Variants in HECW1 observed in about 807,000 individuals in gnomAD.
HECW1 encodes the protein HECT, C2 and WW domain containing E3 ubiquitin protein ligase 1.
A neutral mutation model predicts 182.3 loss-of-function variants in HECW1; 61 were observed. The observed-to-expected ratio is 0.33, with a 90% CI of 0.27 to 0.41. The LOEUF is 0.41. Among genes scored for constraint, HECW1 ranks in the 10% least tolerant of loss-of-function variants. The pLI, the probability that HECW1 is intolerant of heterozygous loss-of-function variation, is 1.00. For synonymous variants in HECW1, 859 were observed against 832.6 expected, an observed-to-expected ratio of 1.03 and a Z score of -0.55; for missense variants, 1,739 against 2,108.9, an observed-to-expected ratio of 0.82 and a Z score of 3.44.
rs529135221 is a variant in HECW1 at position 43,278,041 on chromosome 7, G to A, written c.28-33722G>A. On this transcript the variant is annotated intron_variant, in intron 3 of 29. Coordinates refer to ENST00000395891, the MANE Select transcript of HECW1 (RefSeq NM_015052.5). ...GCTATCCATACCCTTCCTGGTGGTC[G>A]CATCTACTCTTGTGACTTGAAATAA... is the stretch of plus-strand genomic sequence containing the variant. Among the ~76,000 whole-genome samples, 8 of 152,070 alleles carry A rather than the reference G, an allele frequency of 5.3e-5. No homozygotes were observed. The South Asian group carries it at 8.3e-4, about 16-fold the overall frequency.
At chr7:43,336,124 T>C (rs867479596) in intron 5 of HECW1, among the ~76,000 whole-genome samples, 709 of 64,140 alleles carry the variant, frequency 0.011, 36 homozygotes, top group African/African-American at 0.045. Flanking sequence ...CTTTCTTTCT[T>C]TCTCTCTCTC....
In HECW1 at chr7:43,416,085, T is replaced by G. The variant is rs2075984565; in HGVS notation, c.801+8354T>G. ...CGTTGCTGGTGAAGAACTGCGTTCC[T>G]TTGGAGGAGGAGAGATGCTCTGCGT... On this transcript the variant is annotated intron_variant, in intron 8 of 29. Transcript: ENST00000395891. 3.9e-5 allele frequency among the ~76,000 whole-genome samples: 6 copies of G among 152,092 alleles called. No individual in the cohort carries two copies. The South Asian group carries it at 1.2e-3, about 32-fold the overall frequency.
intron 9 of HECW1, chr7:43,439,546 CAG>C (rs1207471827): frequency 2.0e-5 from 3 of 152,796 alleles, no homozygotes; most frequent in East Asian, 1.9e-4. Context: ...AGAACAAAAA[CAG>C]GGGCTGTGTG....
At chr7:43,516,462 C>T (rs745490590) in intron 24 of HECW1, among the ~76,000 whole-genome samples, 2 of 152,058 alleles carry the variant, frequency 1.3e-5, no homozygotes, top group Non-Finnish European at 2.9e-5. Context: ...AATTTGGAGC[C>T]TCTCACTCAT....
In HECW1 at chr7:43,445,183, G is replaced by A. The variant is rs756842700; in HGVS notation, c.2011G>A (p.Glu671Lys). 3 of 1,612,030 alleles carry A rather than the reference G, an allele frequency of 1.9e-6. No individual in the cohort carries two copies. The highest frequency in any genetic ancestry group is 2.2e-5 in the East Asian group (1 of 44,824). The change falls in exon 11 of 30, where the codon GAG (glutamate) becomes AAG (lysine). Residue 671 changes from glutamate to lysine, a missense_variant. Physicochemically the swap from Glu to Lys is moderately conservative, Grantham distance 56. Coordinates refer to ENST00000395891, the MANE Select transcript of HECW1 (RefSeq NM_015052.5). ...SPRQGGDHSC[E>K]GCDASCCSPS... ...CAGGCAAGGCGGGGACCACAGTTGCGAGGGCTGTGACGCGTCCTGCTGCAG... is the reference window on the plus strand; with the variant it reads ...CAGGCAAGGCGGGGACCACAGTTGCAAGGGCTGTGACGCGTCCTGCTGCAG...
chr7:43,428,988 A>T lies in HECW1; in HGVS notation c.802-9015A>T, dbSNP rs1223966803. 2.6e-5 allele frequency among the ~76,000 whole-genome samples: 4 copies of T among 151,290 alleles called. 1 individual carries two copies. The highest frequency in any genetic ancestry group is 9.7e-5 in the African/African-American group (4 of 41,286). Reference sequence around the variant, plus strand: ...TGTATATGTATGTATACAAATACGTACAGATATATAATATACAAATATATA... The same window carrying T: ...TGTATATGTATGTATACAAATACGTTCAGATATATAATATACAAATATATA... On this transcript the variant is annotated intron_variant, in intron 8 of 29. Transcript: ENST00000395891.
intron 17 of HECW1, among the ~76,000 whole-genome samples, chr7:43,488,359 GAA>G (rs2078738736): frequency 8.2e-6 from 1 of 122,226 alleles, no homozygotes. Flanking sequence ...AGGAAGGAAG[GAA>G]GGAAGGAAGG....
intron 26 of HECW1, among the ~76,000 whole-genome samples, chr7:43,549,972 C>T (rs543521986): frequency 1.7e-4 from 26 of 152,212 alleles, no homozygotes; most frequent in African/African-American, 5.8e-4. Flanking sequence ...AAAACAAAAA[C>T]TGTAGCCTTT....
chr7:43,194,762 C>T (rs1054755010), intron 2 of HECW1, among the ~76,000 whole-genome samples: 1 of 151,430 alleles, frequency 6.6e-6, no homozygotes, highest in African/African-American at 2.4e-5. Flanking sequence ...GGCACGATCT[C>T]GGCTCACTGC....
chr7:43,232,643 G>C lies in HECW1; in HGVS notation c.-31-11232G>C, dbSNP rs554159610. Among the ~76,000 whole-genome samples the C allele has an allele frequency of 1.6e-3, 251 of 152,288 alleles. 2 individuals are homozygous for C. The highest frequency in any genetic ancestry group is 5.7e-3 in the African/African-American group (236 of 41,574). ...TGTTCTTGCGGGAAAAGGGGCAGTA[G>C]CAAGAGGGATGGTGAAACTCATGAT... On this transcript the variant is annotated intron_variant, in intron 2 of 29. Transcript: ENST00000395891.
intron 24 of HECW1, among the ~76,000 whole-genome samples, chr7:43,537,421 T>C (rs2081216286): frequency 6.6e-6 from 1 of 152,230 alleles, no homozygotes; most frequent in African/African-American, 2.4e-5. Context: ...TCTTTCTGTC[T>C]CATACTTCCT....
rs1439778181 is a variant in HECW1 at position 43,196,239 on chromosome 7, T to C, written c.-31-47636T>C. On this transcript the variant is annotated intron_variant, in intron 2 of 29. Coordinates refer to ENST00000395891, the MANE Select transcript of HECW1 (RefSeq NM_015052.5). ...TCCTCTCCAATACTGTTAGGAGATA[T>C]GTGTTTGTTTCTTAATTTTGACACA... Among the ~76,000 whole-genome samples, 4 of 152,228 alleles carry C rather than the reference T, an allele frequency of 2.6e-5. No homozygotes were observed. The East Asian group carries it at 5.8e-4, about 22-fold the overall frequency.
chr7:43,327,677 C>T (rs1810968785), intron 5 of HECW1, among the ~76,000 whole-genome samples: 1 of 152,174 alleles, frequency 6.6e-6, no homozygotes. Context: ...GCTAGAGAGG[C>T]ATCCCCTGGG....
chr7:43,165,419 TGC>T (rs1791006144), intron 2 of HECW1, among the ~76,000 whole-genome samples: 1 of 151,302 alleles, frequency 6.6e-6, no homozygotes, highest in Admixed American at 6.6e-5. Flanking sequence ...TTTGTGTGTG[TGC>T]ACACAGGTAT....
intron 24 of HECW1, among the ~76,000 whole-genome samples, chr7:43,531,004 C>A (rs2080960236): frequency 2.0e-5 from 3 of 152,356 alleles, no homozygotes; most frequent in Middle Eastern, 6.8e-3. Context: ...GAAAATAAGA[C>A]CTTCCAGGAC....
At chr7:43,250,114 C>T (rs1439447866) in intron 3 of HECW1, among the ~76,000 whole-genome samples, 2 of 144,156 alleles carry the variant, frequency 1.4e-5, no homozygotes, top group African/African-American at 5.3e-5. Context: ...TTTTTTTTAA[C>T]CAAAACACAC....
intron 24 of HECW1, among the ~76,000 whole-genome samples, chr7:43,521,673 C>T (rs189477012): frequency 6.6e-5 from 10 of 152,226 alleles, no homozygotes; most frequent in Admixed American, 6.5e-4. Context: ...GTCAGGAGTT[C>T]AAGACCAGTC....
chr7:43,268,722 C>T (rs1802053094), intron 3 of HECW1, among the ~76,000 whole-genome samples: 2 of 152,154 alleles, frequency 1.3e-5, no homozygotes, highest in South Asian at 4.2e-4. Flanking sequence ...GCATGACAAA[C>T]TCCAAATGTG....
At chr7:43,336,144 T>TCTCTTTCTCTCTCTCTC (rs1812211759) in intron 5 of HECW1, among the ~76,000 whole-genome samples, 1 of 51,924 alleles carries the variant, frequency 1.9e-5, no homozygotes. Flanking sequence ...CTCTCTCTCT[T>TCTCTTTCTCTCTCTCTC]TCTCTCTCTC....
Sources: allele counts gnomAD v4.1 joint callset (sites outside exome capture counted in the v4.1 genomes callset), GRCh38; gene constraint gnomAD v4.1.1; transcripts MANE v1.5; gene names NCBI Gene and HGNC (gene_info 2026-07-23, HGNC 2026-07-21).